Variants in MFHAS1 observed in about 807,000 individuals in gnomAD.
MFHAS1 encodes multifunctional ROCO family signaling regulator 1, also known as malignant fibrous histiocytoma-amplified sequence 1.
MFHAS1 carries 50 observed loss-of-function variants against 70.4 expected under a neutral mutation model. That is an observed-to-expected ratio of 0.71 (90% confidence interval 0.57 to 0.90). The LOEUF (loss-of-function observed/expected upper bound fraction) is 0.90, where lower values mean the gene tolerates loss of function less well. Among genes scored for constraint, MFHAS1 ranks in the 40% least tolerant of loss-of-function variants. MFHAS1 has a pLI of 0.00. For synonymous variants in MFHAS1, 952 were observed against 620.0 expected (o/e 1.54, Z -7.96); for missense variants, 1,795 against 1,347.6 (o/e 1.33, Z -5.20).
chr8:8,864,477 C>T (rs537562138), intron 1 of MFHAS1, among the ~76,000 whole-genome samples: 2 of 152,330 alleles, frequency 1.3e-5, no homozygotes, highest in African/African-American at 4.8e-5. Context: ...GGACCAAATT[C>T]ATATCCTAAA....
Position 8,856,841 on chromosome 8 carries a change from G to A in MFHAS1, c.2998+33220C>T, listed in dbSNP as rs190594219. Among the ~76,000 whole-genome samples, 5 of 152,046 alleles carry A rather than the reference G, an allele frequency of 3.3e-5. No homozygotes were observed. The East Asian group carries it at 5.8e-4, about 18-fold the overall frequency. The stretch of plus-strand genomic sequence containing the variant: ...CATGTATCAGTTTATTGCTGCACAC[G>A]GGAAACCTTGCAGCCACAGGGCTTT... On this transcript the variant is annotated intron_variant, in intron 1 of 2. Transcript: ENST00000276282.
chr8:8,789,100 C>A (rs1251408464), intron 2 of MFHAS1, among the ~76,000 whole-genome samples: 1 of 151,596 alleles, frequency 6.6e-6, no homozygotes, highest in African/African-American at 2.4e-5. Flanking sequence ...GAGACTCAGT[C>A]ACAGGAACCT....
chr8:8,850,598 T>C (rs983888361), intron 1 of MFHAS1, among the ~76,000 whole-genome samples: 5 of 152,018 alleles, frequency 3.3e-5, no homozygotes, highest in Non-Finnish European at 7.4e-5. Context: ...TTTCAGCACT[T>C]TGGGAGGCCA....
intron 1 of MFHAS1, among the ~76,000 whole-genome samples, chr8:8,875,120 G>A (rs1183931478): frequency 6.6e-6 from 1 of 152,194 alleles, no homozygotes; most frequent in Non-Finnish European, 1.5e-5. Flanking sequence ...AAAAGATCTT[G>A]CATCTGACGT....
chr8:8,878,777 A>G (rs1758228347), intron 1 of MFHAS1, among the ~76,000 whole-genome samples: 1 of 152,200 alleles, frequency 6.6e-6, no homozygotes, highest in Non-Finnish European at 1.5e-5. Flanking sequence ...CCTAGTACTA[A>G]TACAATGTTA....
chr8:8,819,780 C>G (rs894734744), intron 1 of MFHAS1, among the ~76,000 whole-genome samples: 87 of 152,118 alleles, frequency 5.7e-4, no homozygotes, highest in African/African-American at 2.0e-3. Flanking sequence ...CTCATTGCAG[C>G]CTCAGCCTCC....
chr8:8,794,373 T>C (rs1026891137), intron 2 of MFHAS1, among the ~76,000 whole-genome samples: 3 of 151,836 alleles, frequency 2.0e-5, no homozygotes, highest in Non-Finnish European at 4.4e-5. Flanking sequence ...TCCTAACCGA[T>C]CCCCCCAAAT....
intron 1 of MFHAS1, among the ~76,000 whole-genome samples, chr8:8,870,784 C>T (rs996909479): frequency 2.6e-5 from 4 of 152,360 alleles, no homozygotes; most frequent in East Asian, 1.9e-4. Flanking sequence ...TGCAGCTTCC[C>T]GGGGTCAAGG....
chr8:8,878,009 C>T (rs1353808542), intron 1 of MFHAS1, among the ~76,000 whole-genome samples: 2 of 152,218 alleles, frequency 1.3e-5, no homozygotes, highest in Non-Finnish European at 2.9e-5. Flanking sequence ...CCACCCACCT[C>T]CCTTCTTCAG....
intron 1 of MFHAS1, among the ~76,000 whole-genome samples, chr8:8,889,095 G>T (rs968049978): frequency 6.6e-6 from 1 of 150,534 alleles, no homozygotes; most frequent in South Asian, 2.1e-4. Context: ...GCTTATGATG[G>T]TTTAAAAAAA....
At chr8:8,852,869 T>C (rs1164356286) in intron 1 of MFHAS1, among the ~76,000 whole-genome samples, 1 of 152,202 alleles carries the variant, frequency 6.6e-6, no homozygotes, top group East Asian at 1.9e-4. Context: ...GAGTCAAATT[T>C]ACATTCTGGG....
At chr8:8,797,790 T>G (rs984644185) in intron 1 of MFHAS1, among the ~76,000 whole-genome samples, 16 of 152,150 alleles carry the variant, frequency 1.1e-4, no homozygotes, top group African/African-American at 3.9e-4. Flanking sequence ...ACAGACTGAC[T>G]CCAGGGATCT....
rs75544818 is a variant in MFHAS1 at position 8,828,928 on chromosome 8, C to G, written c.2999-31437G>C. On this transcript the variant is annotated intron_variant, in intron 1 of 2. Transcript: ENST00000276282. The stretch of plus-strand genomic sequence containing the variant: ...TCATGTCTTTCCTTTAGATCAGGCT[C>G]TGTCAATCTGCTAAGAGCACCCCTG... Among the ~76,000 whole-genome samples the G allele has an allele frequency of 1.4e-3, 213 of 152,284 alleles. 2 individuals are homozygous for G. Among genetic ancestry groups the G allele is most frequent in the African/African-American group, 4.8e-3 (198 of 41,552 alleles).
intron 1 of MFHAS1, among the ~76,000 whole-genome samples, chr8:8,844,014 C>T (rs532959791): frequency 6.6e-6 from 1 of 152,348 alleles, no homozygotes; most frequent in Admixed American, 6.5e-5. Context: ...ACTCTACCTA[C>T]ATGGGTGTCA....
At chr8:8,809,476 A>T (rs1806466337) in intron 1 of MFHAS1, among the ~76,000 whole-genome samples, 1 of 152,066 alleles carries the variant, frequency 6.6e-6, no homozygotes, top group African/African-American at 2.4e-5. Flanking sequence ...ACTGACCCTA[A>T]AAAGGTCTGA....
intron 1 of MFHAS1, among the ~76,000 whole-genome samples, chr8:8,868,640 A>G (rs1808953179): frequency 6.6e-6 from 1 of 152,146 alleles, no homozygotes; most frequent in Admixed American, 6.5e-5. Context: ...CAAACCCACA[A>G]TGAAATACAT....
chr8:8,804,531 G>T (rs1345484410), intron 1 of MFHAS1, among the ~76,000 whole-genome samples: 1 of 152,154 alleles, frequency 6.6e-6, no homozygotes, highest in Non-Finnish European at 1.5e-5. Context: ...AGGCCAGTTG[G>T]GGCCTCTCAG....
At chr8:8,815,417 T>C (rs560966045) in intron 1 of MFHAS1, among the ~76,000 whole-genome samples, 1 of 152,260 alleles carries the variant, frequency 6.6e-6, no homozygotes, top group Non-Finnish European at 1.5e-5. Flanking sequence ...GTATTTCTGG[T>C]TCTAGGTCTT....
chr8:8,802,344 C>T (rs1047082729), intron 1 of MFHAS1, among the ~76,000 whole-genome samples: 1 of 152,192 alleles, frequency 6.6e-6, no homozygotes, highest in Admixed American at 6.5e-5. Context: ...AATTAGGTAA[C>T]ACATACACGA....
Sources: allele counts gnomAD v4.1 joint callset (sites outside exome capture counted in the v4.1 genomes callset), GRCh38; gene constraint gnomAD v4.1.1; transcripts MANE v1.5; gene names NCBI Gene and HGNC (gene_info 2026-07-23, HGNC 2026-07-21).